Variants in VLDLR observed in about 807,000 individuals in gnomAD.
VLDLR encodes very low density lipoprotein receptor.
A neutral mutation model predicts 112.7 loss-of-function variants in VLDLR; 81 were observed. That is an observed-to-expected ratio of 0.72 (90% CI 0.60 to 0.86). The LOEUF is 0.86. VLDLR is among the 40% of genes least tolerant of loss of function. VLDLR has a pLI of 0.00. For synonymous variants in VLDLR, 436 were observed against 384.8 expected, an observed-to-expected ratio of 1.13 and a Z score of -1.56; for missense variants, 1,237 against 1,099.4, an observed-to-expected ratio of 1.13 and a Z score of -1.77.
At chr9:2,646,767 C>G (rs1489089244) in intron 11 of VLDLR, among the ~76,000 whole-genome samples, 1 of 152,214 alleles carries the variant, frequency 6.6e-6, no homozygotes, top group African/African-American at 2.4e-5. Context: ...TCTCGTATGA[C>G]TGATTGCTGG....
chr9:2,653,329 T>TAAGA (rs1468604019), intron 18 of VLDLR, among the ~76,000 whole-genome samples: 1 of 152,180 alleles, frequency 6.6e-6, no homozygotes, highest in African/African-American at 2.4e-5. Flanking sequence ...GTGTATTGAG[T>TAAGA]AAGATTCACT....
chr9:2,642,704 A>G (rs1817881164), intron 4 of VLDLR, among the ~76,000 whole-genome samples: 1 of 152,214 alleles, frequency 6.6e-6, no homozygotes, highest in South Asian at 2.1e-4. Flanking sequence ...GGAACCATAT[A>G]TGGTGGTATG....
rs759853335 is a variant in VLDLR, at chr9:2,641,392, G to A, written c.341G>A (p.Arg114His). The A allele has an allele frequency of 9.3e-6, 15 of 1,614,152 alleles. No homozygotes were observed. The highest frequency in any genetic ancestry group is 5.5e-5 in the South Asian group (5 of 91,080). ...SPEQCHMRTC[R>H]IHEISCGAHS... ...TCATCAACAGATATGAGAACATGCCGCATACATGAAATCAGCTGTGGCGCC... is the reference window on the plus strand; with the variant it reads ...TCATCAACAGATATGAGAACATGCCACATACATGAAATCAGCTGTGGCGCC... The change falls in exon 4 of 19, where the codon CGC (arginine) becomes CAC (histidine). Residue 114 changes from arginine to histidine, a missense_variant. Coordinates refer to ENST00000382100, the MANE Select transcript of VLDLR (RefSeq NM_003383.5).
chr9:2,650,648 T>C, intron 15 of VLDLR, 132 bp downstream of exon 15: 1 of 1,291,194 alleles, frequency 7.7e-7, no homozygotes, highest in Non-Finnish European at 1.1e-6. Flanking sequence ...TGCTATTGTA[T>C]GCCGGGTTAT....
chr9:2,645,635 G>T lies in VLDLR; in HGVS notation c.1374G>T (p.Arg458Ser), dbSNP rs149478788. ...RRDIRKIGLE[R>S]KEYIQLVEQL... is the part of the protein sequence containing the mutation. ...ACATCAGGAAGATTGGCTTAGAGAG[G>T]AAAGAATATATCCAACTAGTTGAAC... is the stretch of plus-strand genomic sequence containing the variant. The change falls in exon 10 of 19, where the codon AGG becomes AGT. Residue 458 changes from arginine (R) to serine (S), a missense_variant. Coordinates refer to ENST00000382100, the MANE Select transcript of VLDLR (RefSeq NM_003383.5). 1.9e-6 allele frequency: 3 copies of T among 1,614,172 alleles called. No homozygotes were observed.
At chr9:2,631,928 A>T (rs1379221933) in intron 1 of VLDLR, among the ~76,000 whole-genome samples, 1 of 152,072 alleles carries the variant, frequency 6.6e-6, no homozygotes, top group Non-Finnish European at 1.5e-5. Context: ...AGCAAAGTTA[A>T]CTACTTAGAG....
intron 2 of VLDLR, among the ~76,000 whole-genome samples, chr9:2,636,026 G>T (rs1317545476): frequency 6.6e-6 from 1 of 152,208 alleles, no homozygotes; most frequent in Non-Finnish European, 1.5e-5. Flanking sequence ...TCAAAGATCA[G>T]ATAAGGATTC....
intron 17 of VLDLR, 92 bp from the exon 18 acceptor site, chr9:2,652,688 G>A: frequency 6.5e-7 from 1 of 1,543,140 alleles, no homozygotes; most frequent in Non-Finnish European, 8.9e-7. Flanking sequence ...TTTTACTAAT[G>A]TCAATTATTA....
Position 2,653,954 on chromosome 9 carries a change from T to C in VLDLR, c.*86T>C. 7.1e-7 allele frequency: 1 copy of C among 1,411,182 alleles called. No homozygotes were observed. The highest frequency in any genetic ancestry group is 1.0e-6 in the Non-Finnish European group (1 of 996,546). The allele number at this position is 1,411,182 out of a possible 1,614,324, so 87.4% of individuals were successfully genotyped here. On this transcript the variant is annotated 3_prime_UTR_variant, in exon 19 of 19. Coordinates refer to ENST00000382100, the MANE Select transcript of VLDLR (RefSeq NM_003383.5). ...ACCGAGCCAGCAGCTGAAGTCTCTT[T>C]TTCTTCCTCTCGGCTGGAAGAACAT...
At chr9:2,642,862 C>T (rs1253561448) in intron 4 of VLDLR, among the ~76,000 whole-genome samples, 1 of 152,192 alleles carries the variant, frequency 6.6e-6, no homozygotes, top group African/African-American at 2.4e-5. Flanking sequence ...TCCCTTGTTA[C>T]AGTTTGTTAT....
chr9:2,635,409 T>C, intron 1 of VLDLR, 44 bp from the exon 2 acceptor site: 1 of 1,613,058 alleles, frequency 6.2e-7, no homozygotes, highest in Non-Finnish European at 8.5e-7. Context: ...ATCTTGAATC[T>C]ATAACCAATC....
intron 1 of VLDLR, among the ~76,000 whole-genome samples, chr9:2,622,708 G>A (rs2130750035): frequency 6.6e-6 from 1 of 152,234 alleles, no homozygotes; most frequent in Admixed American, 6.5e-5. Context: ...GGGAGTGCGG[G>A]AGCGGACGGG....
At chr9:2,627,954 C>G (rs12379867) in intron 1 of VLDLR, among the ~76,000 whole-genome samples, 42,420 of 151,820 alleles carry the variant, frequency 0.28, 6,747 homozygotes, top group East Asian at 0.56. Context: ...TAGAGTCTTT[C>G]AAAGTATTCT....
chr9:2,645,425 G>C (rs1818024841), intron 9 of VLDLR, 149 bp from the exon 10 acceptor site: 1 of 1,006,382 alleles, frequency 9.9e-7, no homozygotes. Context: ...GCACTTGCAG[G>C]TCCCAGGGGC....
intron 2 of VLDLR, among the ~76,000 whole-genome samples, chr9:2,639,234 A>C (rs1448840353): frequency 6.6e-6 from 1 of 152,234 alleles, no homozygotes; most frequent in Non-Finnish European, 1.5e-5. Flanking sequence ...TCTGGTTTGC[A>C]GATGACCATC....
Position 2,653,988 on chromosome 9 carries a change from C to G in VLDLR, c.*120C>G. 9.8e-7 allele frequency: 1 copy of G among 1,017,864 alleles called. No individual in the cohort carries two copies. The highest frequency in any genetic ancestry group is 2.4e-5 in the East Asian group (1 of 41,580). The allele number at this position is 1,017,864 out of a possible 1,614,324, so 63.1% of individuals were successfully genotyped here. A position where few individuals can be genotyped will look rare whatever the true frequency, so the allele number is the denominator to read the frequency against. ...CTCGGCTGGAAGAACATCAAGATAC[C>G]TTTGCGTGGATCAAGCTTGTGTACT... On this transcript the variant is annotated 3_prime_UTR_variant, in exon 19 of 19. Transcript: ENST00000382100.
At chr9:2,637,804 A>G (rs1015244686) in intron 2 of VLDLR, among the ~76,000 whole-genome samples, 14 of 152,070 alleles carry the variant, frequency 9.2e-5, no homozygotes, top group Non-Finnish European at 1.9e-4. Context: ...TTAGCCGGAC[A>G]TGGTGGCAGG....
chr9:2,651,244 G>A (rs142245070), intron 15 of VLDLR, among the ~76,000 whole-genome samples, 171 bp from the exon 16 acceptor site: 13 of 152,114 alleles, frequency 8.5e-5, no homozygotes, highest in Admixed American at 2.0e-4. Flanking sequence ...TCTCTTTTTT[G>A]CATGAAGATT....
chr9:2,644,897 G>T (rs1308765143), intron 8 of VLDLR, 44 bp downstream of exon 8: 1 of 1,614,106 alleles, frequency 6.2e-7, no homozygotes, highest in Non-Finnish European at 8.5e-7. Flanking sequence ...TGATGGGAAA[G>T]GATAGTATGT....
Sources: gnomAD v4.1 joint callset for allele counts (sites outside exome capture counted in the v4.1 genomes callset) on GRCh38, gnomAD v4.1.1 for gene constraint, MANE v1.5 for transcripts, NCBI Gene and HGNC (gene_info 2026-07-23, HGNC 2026-07-21) for gene names.